Variants in CASQ2 observed in about 807,000 individuals in gnomAD.
The protein encoded by CASQ2 is calsequestrin-2.
CASQ2 carries 49 observed loss-of-function variants against 46.5 expected under a neutral mutation model. The ratio of observed to expected loss-of-function variants is 1.05; its 90% CI spans 0.84 to 1.34. The LOEUF (loss-of-function observed/expected upper bound fraction) is 1.34, where lower values mean the gene tolerates loss of function less well. CASQ2 is among the 40% of genes most tolerant of loss of function. The pLI is 0.00. For synonymous variants in CASQ2, 174 were observed against 168.5 expected (o/e 1.03, Z -0.25); for missense variants, 486 against 481.3 (o/e 1.01, Z -0.09).
chr1:115,734,616 G>A (rs1353926084), intron 4 of CASQ2, among the ~76,000 whole-genome samples: 1 of 152,204 alleles, frequency 6.6e-6, no homozygotes, highest in Non-Finnish European at 1.5e-5. Flanking sequence ...TGACCAGCCT[G>A]TTCCTGGTCC....
chr1:115,703,018 T>A, intron 9 of CASQ2, 23 bp from the exon 10 acceptor site: 1 of 1,597,462 alleles, frequency 6.3e-7, no homozygotes, highest in Middle Eastern at 1.7e-4. Flanking sequence ...AAAAATAAGA[T>A]TAGACAGCAG....
rs138727560 is a variant in CASQ2 at position 115,727,886 on chromosome 1, G to T, written c.607-764C>A. On this transcript the variant is annotated intron_variant, in intron 5 of 10. Transcript: ENST00000261448. ...TAGCCAGGAAGACATTTTCTCTCTGGATTAAAGCAGCCACATGTTCAGTGT... is the reference window on the plus strand; with the variant it reads ...TAGCCAGGAAGACATTTTCTCTCTGTATTAAAGCAGCCACATGTTCAGTGT... Among the ~76,000 whole-genome samples, 223 of 152,326 alleles carry T rather than the reference G, an allele frequency of 1.5e-3. 1 individual carries two copies. Among genetic ancestry groups the T allele is most frequent in the African/African-American group, 5.3e-3 (219 of 41,582 alleles).
rs746446022 is a variant in CASQ2 at position 115,727,024 on chromosome 1, C to A, written c.705G>T (p.Glu235Asp). The A allele has an allele frequency of 6.2e-7, 1 of 1,613,956 alleles. No homozygotes were observed. The highest frequency in any genetic ancestry group is 1.1e-5 in the South Asian group (1 of 91,068). ...GTTCCTTCACAAACTCCACCAGCTC[C>A]TCTTCTGTGTAAGGTTTGTTGGGGA... ...IAIPNKPYTE[E>D]ELVEFVKEHQ... is the part of the protein sequence containing the mutation. Residue 235 changes from glutamate (E) to aspartate (D), a missense_variant, in exon 6 of 11, where the codon GAG becomes GAT. By Grantham distance (45) the Glu-to-Asp change is conservative (BLOSUM62 2). Transcript: ENST00000261448.
intron 1 of CASQ2, among the ~76,000 whole-genome samples, chr1:115,748,101 C>T (rs1340169226): frequency 2.6e-5 from 4 of 151,994 alleles, no homozygotes; most frequent in African/African-American, 9.7e-5. Context: ...CTTTTCAGTT[C>T]TATTGTTTGG....
chr1:115,738,169 C>G (rs1449239604), intron 4 of CASQ2, 55 bp downstream of exon 4: 9 of 1,070,938 alleles, frequency 8.4e-6, no homozygotes, highest in Non-Finnish European at 1.3e-5. Flanking sequence ...ACCTGACATA[C>G]CTTGTTTGGA....
At chr1:115,758,643 C>T (rs900679604) in intron 1 of CASQ2, among the ~76,000 whole-genome samples, 7 of 152,300 alleles carry the variant, frequency 4.6e-5, no homozygotes, top group Admixed American at 2.6e-4. Context: ...GGGGCAGTGA[C>T]TGAGTGAGTT....
In CASQ2 at chr1:115,768,495, G is replaced by A; in HGVS notation, c.47C>T (p.Ser16Phe). ...ATTAAGCCCCTCTTCTGCCCTGCAAGAGGACAGAAAATAAATCCCCACAAT... is the reference window on the plus strand; with the variant it reads ...ATTAAGCCCCTCTTCTGCCCTGCAAAAGGACAGAAAATAAATCCCCACAAT... ...LFIVGIYFLS[S>F]CRAEEGLNFP... is the part of the protein sequence containing the mutation. Residue 16 changes from serine to phenylalanine, a missense_variant, in exon 1 of 11, where the codon TCT becomes TTT. Physicochemically the swap from Ser to Phe is radical, Grantham distance 155 (BLOSUM62 -2). Transcript: ENST00000261448. The A allele has an allele frequency of 1.2e-6, 2 of 1,613,742 alleles. No homozygotes were observed. The highest frequency in any genetic ancestry group is 1.7e-6 in the Non-Finnish European group (2 of 1,179,634).
chr1:115,758,779 C>T (rs966867317), intron 1 of CASQ2, among the ~76,000 whole-genome samples: 2 of 152,196 alleles, frequency 1.3e-5, no homozygotes, highest in African/African-American at 4.8e-5. Flanking sequence ...CTCCTTTTCA[C>T]CTTCTGCCAT....
Position 115,705,276 on chromosome 1 carries a change from C to G in CASQ2, c.855G>C (p.Leu285=), listed in dbSNP as rs148562107. 5.3e-5 allele frequency: 86 copies of G among 1,612,870 alleles called. No individual in the cohort carries two copies. The highest frequency in any genetic ancestry group is 2.7e-5 in the African/African-American group (2 of 74,886). The change falls in exon 9 of 11, where the codon CTG becomes CTC. Residue 285 remains leucine, a synonymous_variant. Coordinates refer to ENST00000261448, the MANE Select transcript of CASQ2 (RefSeq NM_001232.4). ...EKSDPDGYEF[L]EILKQVARDN... ...CCCGGGCAACCTGTTTCAGGATCTC[C>G]AGGAATTCGTAGCCATCTGAAACAG... is the stretch of plus-strand genomic sequence containing the variant.
intron 8 of CASQ2, among the ~76,000 whole-genome samples, chr1:115,714,735 C>T (rs1654645549): frequency 6.6e-6 from 1 of 152,234 alleles, no homozygotes; most frequent in South Asian, 2.1e-4. Context: ...GGGACTTTCA[C>T]AGACAAGTCT....
chr1:115,726,949 C>A, intron 6 of CASQ2, 43 bp downstream of exon 6: 3 of 1,204,962 alleles, frequency 2.5e-6, no homozygotes, highest in Admixed American at 1.9e-5. Flanking sequence ...CTCTCCATTC[C>A]CCAGACCCCA....
At chr1:115,720,872 G>A (rs17034319) in intron 7 of CASQ2, among the ~76,000 whole-genome samples, 2,057 of 152,080 alleles carry the variant, frequency 0.014, 64 homozygotes, top group African/African-American at 0.047. Flanking sequence ...AACGCCTATA[G>A]ACTCAAAAAA....
rs766081304 is a variant in CASQ2, at chr1:115,705,213, G to C, written c.918C>G (p.Ile306Met). 6.2e-7 allele frequency: 1 copy of C among 1,613,118 alleles called. No homozygotes were observed. Among genetic ancestry groups the C allele is most frequent in the Non-Finnish European group, 8.5e-7 (1 of 1,179,052 alleles). The change falls in exon 9 of 11, where the codon ATC (isoleucine) becomes ATG (methionine). Residue 306 changes from isoleucine to methionine, a missense_variant. Transcript: ENST00000261448. ...TDNPDLSILW[I>M]DPDDFPLLVA... ...TCACCAGAGGAAAGTCGTCCGGGTC[G>C]ATCCACAGGATGCTCAGATCGGGGT...
At chr1:115,739,658 T>C (rs1648114705) in intron 3 of CASQ2, among the ~76,000 whole-genome samples, 3 of 152,364 alleles carry the variant, frequency 2.0e-5, no homozygotes, top group South Asian at 2.1e-4. Flanking sequence ...GGCCATCTTA[T>C]AGCTAACTTG....
intron 1 of CASQ2, among the ~76,000 whole-genome samples, chr1:115,749,472 C>T (rs116797912): frequency 0.015 from 2,303 of 152,268 alleles, 31 homozygotes; most frequent in Non-Finnish European, 0.023. Context: ...GATGGAGAAA[C>T]AGAGCAGGCA....
intron 1 of CASQ2, among the ~76,000 whole-genome samples, chr1:115,750,142 G>A (rs914759396): frequency 6.6e-6 from 1 of 152,332 alleles, no homozygotes; most frequent in Admixed American, 6.5e-5. Flanking sequence ...AGGGCCTTGT[G>A]AGCCAAGGAG....
Position 115,768,298 on chromosome 1 carries a change from G to T in CASQ2, c.234+10C>A, listed in dbSNP as rs754546876. On this transcript the variant is annotated intron_variant, in intron 1 of 10. Coordinates refer to ENST00000261448, the MANE Select transcript of CASQ2 (RefSeq NM_001232.4). ...AGGCAGCGCAGACAGCATGCCCTTT[G>T]GTTACTTACCTCAAGCACGATTTCT... The T allele has an allele frequency of 3.2e-6, 5 of 1,572,756 alleles. No individual in the cohort carries two copies. The South Asian group carries it at 4.4e-5, about 14-fold the overall frequency.
intron 8 of CASQ2, among the ~76,000 whole-genome samples, chr1:115,705,864 A>G (rs574844141): frequency 2.9e-5 from 4 of 138,480 alleles, no homozygotes; most frequent in Non-Finnish European, 6.1e-5. Context: ...CCCTCTGTTC[A>G]GTCAGCAGCA....
intron 1 of CASQ2, among the ~76,000 whole-genome samples, chr1:115,753,670 C>CAA (rs954832797): frequency 1.3e-5 from 2 of 152,194 alleles, no homozygotes; most frequent in African/African-American, 4.8e-5. Context: ...AGACCCCACC[C>CAA]AATCCAGTCT....
Sources: gnomAD v4.1 joint callset for allele counts (sites outside exome capture counted in the v4.1 genomes callset) on GRCh38, gnomAD v4.1.1 for gene constraint, MANE v1.5 for transcripts, NCBI Gene and HGNC (gene_info 2026-07-23, HGNC 2026-07-21) for gene names.